QRICH1: variants seen among roughly 807,000 people sequenced by gnomAD.
QRICH1 encodes glutamine rich 1, also known as transcriptional regulator QRICH1.
Under a neutral mutation model 87.1 loss-of-function variants are expected in QRICH1, and 16 were observed. The observed-to-expected ratio is 0.18, with a 90% CI of 0.12 to 0.28. The LOEUF is 0.28. QRICH1 is among the 10% of genes least tolerant of loss of function. The pLI is 1.00. For missense variants in QRICH1, 647 were observed against 951.7 expected (o/e 0.68, Z 4.21); for synonymous variants, 367 against 368.4 (o/e 1.00, Z 0.05).
At chr3:49,061,106 G>A (rs1231692085) in intron 2 of QRICH1, among the ~76,000 whole-genome samples, 1 of 123,732 alleles carries the variant, frequency 8.1e-6, no homozygotes, top group Non-Finnish European at 1.6e-5. Flanking sequence ...CTGCATCACA[G>A]CCTGGGTGAC....
intron 1 of QRICH1, among the ~76,000 whole-genome samples, chr3:49,082,091 G>A (rs756658496): frequency 2.0e-5 from 3 of 151,988 alleles, no homozygotes; most frequent in Non-Finnish European, 4.4e-5. Flanking sequence ...CAAGGCACCT[G>A]CCCCCATACC....
chr3:49,040,954 G>T (rs1159334309), intron 6 of QRICH1, among the ~76,000 whole-genome samples: 5 of 151,970 alleles, frequency 3.3e-5, no homozygotes, highest in Non-Finnish European at 7.4e-5. Context: ...GCAACTCTCT[G>T]ATGACACCTG....
In QRICH1 at chr3:49,030,163, A is replaced by G. The variant is rs2093225771; in HGVS notation, c.*289T>C. 9 of 504,034 alleles carry G rather than the reference A, an allele frequency of 1.8e-5. No individual in the cohort carries two copies. In the South Asian group the frequency reaches 2.8e-4, roughly 16 times the overall value. The allele number at this position is 504,034 out of a possible 1,614,324, so 31.2% of individuals were successfully genotyped here. A position where few individuals can be genotyped will look rare whatever the true frequency, so the allele number is the denominator to read the frequency against. ...GGGGCCACATTTCTTTTCACAGTCC[A>G]AGCCCTTTCCCCAGGCCCCAGACAA... On this transcript the variant is annotated 3_prime_UTR_variant, in exon 10 of 10. Coordinates refer to ENST00000395443, the MANE Select transcript of QRICH1 (RefSeq NM_198880.3).
At chr3:49,031,354 C>G (rs923263451) in intron 9 of QRICH1, among the ~76,000 whole-genome samples, 1 of 152,090 alleles carries the variant, frequency 6.6e-6, no homozygotes, top group Non-Finnish European at 1.5e-5. Context: ...GGTTCACCCC[C>G]CTCCCCCGAA....
In QRICH1 at chr3:49,057,621, C is replaced by T. The variant is rs745621008; in HGVS notation, c.579G>A (p.Gln193=). 1 of 1,614,172 alleles carries T rather than the reference C, an allele frequency of 6.2e-7. No homozygotes were observed. Among genetic ancestry groups the T allele is most frequent in the Non-Finnish European group, 8.5e-7 (1 of 1,180,022 alleles). ...AEIPEEHIPH[Q]QIQAQLVAGQ... is the part of the protein sequence containing the mutation. ...CAGCCACCAGCTGAGCCTGGATTTGCTGATGTGGGATGTGCTCCTCCGGGA... is the reference window on the plus strand; with the variant it reads ...CAGCCACCAGCTGAGCCTGGATTTGTTGATGTGGGATGTGCTCCTCCGGGA... The change falls in exon 3 of 10, where the codon CAG becomes CAA. Residue 193 remains glutamine, a synonymous_variant. Coordinates refer to ENST00000395443, the MANE Select transcript of QRICH1 (RefSeq NM_198880.3). This position sits in a 1 kb window ranked among gnomAD's most constrained non-coding sequence, Gnocchi z 5.4.
chr3:49,070,943 C>G (rs2093496940), intron 2 of QRICH1, among the ~76,000 whole-genome samples: 1 of 152,016 alleles, frequency 6.6e-6, no homozygotes, highest in East Asian at 1.9e-4. Context: ...TCTGCTCTGT[C>G]ACCCAGGCTG....
intron 5 of QRICH1, among the ~76,000 whole-genome samples, chr3:49,045,910 T>C (rs1299928212): frequency 1.3e-5 from 2 of 151,386 alleles, no homozygotes; most frequent in Non-Finnish European, 2.9e-5. Flanking sequence ...TTTTTTCTTT[T>C]CTTTTCTTTT....
At chr3:49,059,410 C>T (rs1284323852) in intron 2 of QRICH1, among the ~76,000 whole-genome samples, 3 of 151,640 alleles carry the variant, frequency 2.0e-5, no homozygotes, top group East Asian at 1.9e-4. Flanking sequence ...AACACCACCA[C>T]CACACCCAGC....
chr3:49,071,062 C>T (rs1033395588), intron 2 of QRICH1, among the ~76,000 whole-genome samples: 2 of 103,380 alleles, frequency 1.9e-5, no homozygotes, highest in East Asian at 1.1e-3. Flanking sequence ...AACTTAAATC[C>T]CCAAACTTTT....
At chr3:49,058,088 C>T in intron 2 of QRICH1, 198 bp from the exon 3 acceptor site, 2 of 856,692 alleles carry the variant, frequency 2.3e-6, no homozygotes, top group Non-Finnish European at 3.5e-6. Flanking sequence ...ATAACAGGGA[C>T]ATATATCCAC....
chr3:49,069,874 T>C (rs1367925079), intron 2 of QRICH1, among the ~76,000 whole-genome samples: 1 of 152,102 alleles, frequency 6.6e-6, no homozygotes, highest in Non-Finnish European at 1.5e-5. Flanking sequence ...AGTATACATA[T>C]GTGTATGTGT....
intron 1 of QRICH1, among the ~76,000 whole-genome samples, chr3:49,078,384 T>TC (rs2041992818): frequency 7.5e-6 from 1 of 133,430 alleles, no homozygotes; most frequent in African/African-American, 2.7e-5. Flanking sequence ...GAATTATGGT[T>TC]CCTTTTTTTT....
chr3:49,035,928 A>C (rs1010772212), intron 6 of QRICH1, among the ~76,000 whole-genome samples: 9 of 151,580 alleles, frequency 5.9e-5, no homozygotes, highest in Non-Finnish European at 1.5e-5. Context: ...AAAAAAAAAA[A>C]CAAAAACTAG....
intron 1 of QRICH1, chr3:49,086,815 T>C (rs2042174724): frequency 6.6e-6 from 1 of 152,148 alleles, no homozygotes; most frequent in South Asian, 2.1e-4. Flanking sequence ...GCCCCCTGTA[T>C]GGCTCTGCAG....
intron 1 of QRICH1, chr3:49,086,882 C>T (rs927239406): frequency 1.3e-5 from 2 of 152,224 alleles, no homozygotes; most frequent in African/African-American, 4.8e-5. Context: ...CAGAACCTTA[C>T]CTCTTCCTTG....
chr3:49,081,621 C>T (rs1396977463), intron 1 of QRICH1, among the ~76,000 whole-genome samples: 3 of 152,156 alleles, frequency 2.0e-5, no homozygotes, highest in Admixed American at 6.5e-5. Context: ...TCACCTGAGC[C>T]GCCCAAGCGG....
chr3:49,076,667 A>C (rs2041958323), intron 2 of QRICH1, 42 bp downstream of exon 2: 1 of 1,429,624 alleles, frequency 7.0e-7, no homozygotes. Context: ...GACAACAAAT[A>C]AAGTACATTA....
intron 2 of QRICH1, 33 bp downstream of exon 2, chr3:49,076,676 T>C: frequency 6.8e-7 from 1 of 1,465,676 alleles, no homozygotes; most frequent in Non-Finnish European, 9.1e-7. Context: ...TAAAGTACAT[T>C]AAACAGGCTG....
chr3:49,072,667 A>G (rs2041865023), intron 2 of QRICH1, among the ~76,000 whole-genome samples: 1 of 152,188 alleles, frequency 6.6e-6, no homozygotes, highest in Non-Finnish European at 1.5e-5. Flanking sequence ...TGAGTGGTCA[A>G]GTCAAATTTA....
Sources: gnomAD v4.1 joint callset for allele counts (sites outside exome capture counted in the v4.1 genomes callset) on GRCh38, gnomAD v4.1.1 for gene constraint, Gnocchi (gnomAD v3.1) non-coding constraint, MANE v1.5 for transcripts, NCBI Gene and HGNC (gene_info 2026-07-23, HGNC 2026-07-21) for gene names.